Variants in KPNA1 observed in about 807,000 individuals in gnomAD.
KPNA1 encodes karyopherin subunit alpha 1.
A neutral mutation model predicts 70.5 loss-of-function variants in KPNA1; 10 were observed. The ratio of observed to expected loss-of-function variants is 0.14; its 90% CI spans 0.09 to 0.24. KPNA1 has a LOEUF of 0.24. Among genes scored for constraint, KPNA1 ranks in the 10% least tolerant of loss-of-function variants. The pLI, the probability that KPNA1 is intolerant of heterozygous loss-of-function variation, is 1.00. For synonymous variants in KPNA1, 192 were observed against 221.9 expected (o/e 0.87, Z 1.20); for missense variants, 397 against 637.9 (o/e 0.62, Z 4.07).
chr3:122,446,165 A>AGTGGACCTAATAAAC (rs1038195837), intron 9 of KPNA1, among the ~76,000 whole-genome samples: 6 of 152,208 alleles, frequency 3.9e-5, no homozygotes, highest in Admixed American at 6.5e-5. Flanking sequence ...CTCTGCACCA[A>AGTGGACCTAATAAAC]GTGGACCTAA....
At chr3:122,472,001 GAC>G (rs2076448235) in intron 2 of KPNA1, among the ~76,000 whole-genome samples, 1 of 152,194 alleles carries the variant, frequency 6.6e-6, no homozygotes, top group South Asian at 2.1e-4. Flanking sequence ...ATTATAGTTG[GAC>G]ACTTCAACAC....
intron 2 of KPNA1, among the ~76,000 whole-genome samples, chr3:122,472,604 A>G (rs2076454455): frequency 6.6e-6 from 1 of 152,246 alleles, no homozygotes; most frequent in Non-Finnish European, 1.5e-5. Context: ...GTAACTGAAA[A>G]CAGGAAATCA....
chr3:122,476,192 G>T (rs953719710), intron 2 of KPNA1, among the ~76,000 whole-genome samples: 3 of 152,174 alleles, frequency 2.0e-5, no homozygotes, highest in Admixed American at 1.3e-4. Context: ...AATAGGGGAA[G>T]AACAGTCTCT....
chr3:122,463,977 G>A lies in KPNA1; in HGVS notation c.302C>T (p.Ser101Leu), dbSNP rs1402583431. The A allele has an allele frequency of 6.2e-7, 1 of 1,606,852 alleles. No individual in the cohort carries two copies. Among genetic ancestry groups the A allele is most frequent in the Non-Finnish European group, 8.5e-7 (1 of 1,175,320 alleles). ...IFSKSPEQQL[S>L]ATQKFRKLLS... is the part of the protein sequence containing the mutation. ...CAGCTTCCTGAATTTCTGTGTTGCT[G>A]AAAGCTGTTGCTCTGGGCTTTTGGA... is the stretch of plus-strand genomic sequence containing the variant. The change falls in exon 4 of 14, where the codon TCA becomes TTA. Residue 101 changes from serine (S) to leucine (L), a missense_variant. Ser to Leu is a moderately radical substitution (Grantham distance 145). Coordinates refer to ENST00000344337, the MANE Select transcript of KPNA1 (RefSeq NM_002264.4).
At chr3:122,463,396 C>G (rs2076347093) in intron 4 of KPNA1, among the ~76,000 whole-genome samples, 1 of 150,108 alleles carries the variant, frequency 6.7e-6, no homozygotes, top group Non-Finnish European at 1.5e-5. Context: ...TGGCGTGTAA[C>G]TGTAATCCCA....
At chr3:122,430,255 A>G (rs889448967) in intron 12 of KPNA1, among the ~76,000 whole-genome samples, 1 of 152,084 alleles carries the variant, frequency 6.6e-6, no homozygotes, top group African/African-American at 2.4e-5. Context: ...GGATATTATC[A>G]TACTTGTTTT....
At chr3:122,500,445 A>G (rs1283449591) in intron 1 of KPNA1, among the ~76,000 whole-genome samples, 1 of 151,814 alleles carries the variant, frequency 6.6e-6, no homozygotes, top group Non-Finnish European at 1.5e-5. Flanking sequence ...GTATTTCTTT[A>G]TAACCTTACT....
intron 5 of KPNA1, among the ~76,000 whole-genome samples, chr3:122,460,912 A>G (rs1212247288): frequency 6.6e-6 from 1 of 152,076 alleles, no homozygotes; most frequent in African/African-American, 2.4e-5. Context: ...CTCAACACCA[A>G]ATTTTATGTA....
intron 3 of KPNA1, among the ~76,000 whole-genome samples, chr3:122,467,028 TAAA>T (rs2076388480): frequency 6.6e-6 from 1 of 150,876 alleles, no homozygotes; most frequent in Non-Finnish European, 1.5e-5. Context: ...AATAAATAAA[TAAA>T]TAAATAAATA....
intron 2 of KPNA1, among the ~76,000 whole-genome samples, chr3:122,491,815 G>A (rs974860922): frequency 6.8e-6 from 1 of 147,928 alleles, no homozygotes; most frequent in Admixed American, 6.7e-5. Context: ...TATAAGAGGT[G>A]AGCTAAGCAT....
intron 12 of KPNA1, among the ~76,000 whole-genome samples, chr3:122,430,329 T>C (rs549060816): frequency 8.4e-4 from 128 of 152,308 alleles, no homozygotes; most frequent in Admixed American, 1.4e-3. Flanking sequence ...TTAGAAGGTT[T>C]TTGGGTCTAT....
At chr3:122,452,460 GA>G (rs1189638780) in intron 6 of KPNA1, among the ~76,000 whole-genome samples, 1 of 145,946 alleles carries the variant, frequency 6.9e-6, no homozygotes, top group Non-Finnish European at 1.5e-5. Flanking sequence ...AGTGAGCCGA[GA>G]TTGAGCCAAT....
At chr3:122,479,385 CA>C (rs2076544140) in intron 2 of KPNA1, among the ~76,000 whole-genome samples, 1 of 152,176 alleles carries the variant, frequency 6.6e-6, no homozygotes, top group African/African-American at 2.4e-5. Flanking sequence ...GGCTGTGGAA[CA>C]GGAACTCATA....
chr3:122,496,349 C>CACACACACACACACACACACACA lies in KPNA1; in HGVS notation c.129+87_129+88insTGTGTGTGTGTGTGTGTGTGTGT. The CACACACACACACACACACACACA allele has an allele frequency of 4.1e-6, 5 of 1,213,574 alleles. No homozygotes were observed. In the South Asian group the frequency reaches 5.3e-5, roughly 13 times the overall value. The allele number at this position is 1,213,574 out of a possible 1,614,324, so 75.2% of individuals were successfully genotyped here. Reference sequence around the variant, plus strand: ...ACACACACACACACACACACACACACCCCAACTTTGCTAAAATGAAGATAG... The same window carrying CACACACACACACACACACACACA: ...ACACACACACACACACACACACACACACACACACACACACACACACACACCCAACTTTGCTAAAATGAAGATAG... On this transcript the variant is annotated intron_variant, in intron 2 of 13. Transcript: ENST00000344337.
rs550266159 is a variant in KPNA1 at position 122,428,312 on chromosome 3, T to G, written c.1251-596A>C. On this transcript the variant is annotated intron_variant, in intron 12 of 13. Transcript: ENST00000344337. ...CACAGTAAATAGTCATGTCATTTTT[T>G]ATCATTCTGGTTTCTCAAGTTGAGT... Among the ~76,000 whole-genome samples, 3 of 152,326 alleles carry G rather than the reference T, an allele frequency of 2.0e-5. No homozygotes were observed. In the South Asian group the frequency reaches 6.2e-4, roughly 32 times the overall value.
At chr3:122,450,515 G>A (rs1311239740) in intron 8 of KPNA1, among the ~76,000 whole-genome samples, 3 of 152,248 alleles carry the variant, frequency 2.0e-5, no homozygotes, top group African/African-American at 4.8e-5. Flanking sequence ...CTAGGAGGCA[G>A]AGGTTGCAGT....
At chr3:122,505,274 C>A (rs1469539868) in intron 1 of KPNA1, among the ~76,000 whole-genome samples, 1,569 of 98,430 alleles carry the variant, frequency 0.016, no homozygotes, top group Admixed American at 0.02. Flanking sequence ...CTGCATGCCT[C>A]AAAAAAAAAA....
intron 2 of KPNA1, among the ~76,000 whole-genome samples, chr3:122,485,845 G>T (rs1253411609): frequency 1.3e-5 from 2 of 152,098 alleles, no homozygotes; most frequent in Non-Finnish European, 2.9e-5. Flanking sequence ...ATTATTATTT[G>T]CCAATTAAAA....
intron 1 of KPNA1, chr3:122,514,375 C>T (rs1030971622): frequency 6.6e-6 from 1 of 151,092 alleles, no homozygotes; most frequent in African/African-American, 2.4e-5. Context: ...ACCCCCGCCT[C>T]CCGCCCGCCG....
Sources: gnomAD v4.1 joint callset for allele counts (sites outside exome capture counted in the v4.1 genomes callset) on GRCh38, gnomAD v4.1.1 for gene constraint, MANE v1.5 for transcripts, NCBI Gene and HGNC (gene_info 2026-07-23, HGNC 2026-07-21) for gene names.